GPHN: variants seen among roughly 807,000 people sequenced by gnomAD.
The protein encoded by GPHN is gephyrin.
GPHN carries 17 observed loss-of-function variants against 95.5 expected under a neutral mutation model. The ratio of observed to expected loss-of-function variants is 0.18; its 90% confidence interval spans 0.12 to 0.27. The LOEUF (loss-of-function observed/expected upper bound fraction) is 0.27. Among genes scored for constraint, GPHN ranks in the 10% least tolerant of loss-of-function variants. The pLI is 1.00. For synonymous variants in GPHN, 320 were observed against 322.5 expected, an observed-to-expected ratio of 0.99 and a Z score of 0.08; for missense variants, 660 against 978.1, an observed-to-expected ratio of 0.67 and a Z score of 4.34.
chr14:67,579,052 G>C, the GPHN span: 310 of 952,120 alleles, frequency 3.3e-4, 5 homozygotes, highest in South Asian at 4.4e-3. Flanking sequence ...TTTGGTCCTG[G>C]CTGAGTCTAG....
At chr14:67,396,992 G>A in the GPHN span, among the ~76,000 whole-genome samples, 1 of 150,156 alleles carries the variant, frequency 6.7e-6, no homozygotes, top group East Asian at 2.0e-4. Context: ...AGGCTGGAGT[G>A]CAGTGGCGTG....
the GPHN span, among the ~76,000 whole-genome samples, chr14:67,379,654 C>CTTTTTTTTTTTTTTTTTTTTTTTTT: frequency 5.8e-5 from 7 of 119,956 alleles, no homozygotes; most frequent in Admixed American, 1.8e-4. Flanking sequence ...TTTTCTTTTT[C>CTTTTTTTTTTTTTTTTTTTTTTTTT]TTTTTTTTTT....
intron 9 of GPHN, among the ~76,000 whole-genome samples, chr14:67,014,355 C>T (rs2073184941): frequency 6.6e-6 from 1 of 152,048 alleles, no homozygotes; most frequent in Admixed American, 6.6e-5. Flanking sequence ...CAGTGTTATA[C>T]AGCTAATAAT....
the GPHN span, among the ~76,000 whole-genome samples, chr14:67,395,157 A>G: frequency 2.0e-5 from 3 of 152,290 alleles, no homozygotes; most frequent in East Asian, 3.9e-4. Context: ...GTCTTGTGTC[A>G]TGGAGGTGTG....
the GPHN span, chr14:67,541,793 C>G: frequency 7.3e-7 from 1 of 1,360,954 alleles, no homozygotes; most frequent in Non-Finnish European, 9.9e-7. Context: ...CTTCCTCACA[C>G]GCTTATTTAT....
the GPHN span, chr14:67,579,908 C>T: frequency 6.4e-7 from 1 of 1,563,970 alleles, no homozygotes; most frequent in Non-Finnish European, 8.7e-7. Flanking sequence ...AGCTGAGCCC[C>T]TCCCTGCTCA....
chr14:67,239,516 G>T, the GPHN span, among the ~76,000 whole-genome samples: 16 of 152,178 alleles, frequency 1.1e-4, no homozygotes, highest in Non-Finnish European at 2.1e-4. Context: ...AGAATTCATT[G>T]ACGAGCTGGA....
At chr14:67,111,369 G>T (rs2078362527) in intron 14 of GPHN, among the ~76,000 whole-genome samples, 1 of 152,106 alleles carries the variant, frequency 6.6e-6, no homozygotes, top group African/African-American at 2.4e-5. Context: ...ATTGATTACT[G>T]CAATTAATGG....
chr14:67,655,109 G>A, the GPHN span, among the ~76,000 whole-genome samples: 1 of 151,084 alleles, frequency 6.6e-6, no homozygotes, highest in Non-Finnish European at 1.5e-5. Context: ...GGAGGCCAAG[G>A]TGGAATGATT....
the GPHN span, among the ~76,000 whole-genome samples, chr14:67,521,926 C>T: frequency 6.6e-6 from 1 of 152,132 alleles, no homozygotes; most frequent in African/African-American, 2.4e-5. Context: ...TTTGTAATCC[C>T]AGCATTTTGG....
At chr14:67,546,781 G>A in the GPHN span, among the ~76,000 whole-genome samples, 2 of 152,156 alleles carry the variant, frequency 1.3e-5, no homozygotes, top group Non-Finnish European at 2.9e-5. Flanking sequence ...TAGGAGGATC[G>A]CTTGAGCCAA....
intron 21 of GPHN, among the ~76,000 whole-genome samples, chr14:67,174,906 T>G (rs2082835238): frequency 6.6e-6 from 1 of 152,236 alleles, no homozygotes; most frequent in African/African-American, 2.4e-5. Flanking sequence ...TTCATATCCT[T>G]TGCCCACTTT....
intron 4 of GPHN, among the ~76,000 whole-genome samples, chr14:66,850,248 T>C (rs1411020903): frequency 6.6e-6 from 1 of 152,180 alleles, no homozygotes; most frequent in Non-Finnish European, 1.5e-5. Context: ...AAATACCAAA[T>C]ATAAACTCTT....
chr14:67,268,697 G>C, the GPHN span, among the ~76,000 whole-genome samples: 1 of 152,172 alleles, frequency 6.6e-6, no homozygotes, highest in Non-Finnish European at 1.5e-5. Flanking sequence ...AGTGAGCAGT[G>C]AGCACAACCA....
chr14:67,418,642 C>T, the GPHN span, among the ~76,000 whole-genome samples: 2 of 152,116 alleles, frequency 1.3e-5, no homozygotes, highest in Non-Finnish European at 2.9e-5. Flanking sequence ...AATGTGAGTG[C>T]GAAGTCAGCC....
chr14:66,973,617 G>A (rs1253679328), intron 9 of GPHN, among the ~76,000 whole-genome samples: 1 of 152,090 alleles, frequency 6.6e-6, no homozygotes, highest in East Asian at 1.9e-4. Context: ...AATTTAGCTG[G>A]GCGTGGTGGT....
At chr14:67,374,454 A>G in the GPHN span, 6 of 1,562,012 alleles carry the variant, frequency 3.8e-6, no homozygotes, top group Non-Finnish European at 5.2e-6. Flanking sequence ...TTTTTTCACA[A>G]TTTTTTTGTA....
At chr14:67,058,604 CA>C in intron 10 of GPHN, 44 bp from the exon 11 acceptor site, 3 of 1,551,386 alleles carry the variant, frequency 1.9e-6, no homozygotes, top group Non-Finnish European at 2.7e-6. Flanking sequence ...ACTTTTTAAT[CA>C]GTGTTACAGC....
intron 1 of GPHN, among the ~76,000 whole-genome samples, chr14:66,593,044 A>G (rs1595144272): frequency 6.6e-6 from 1 of 152,210 alleles, no homozygotes; most frequent in East Asian, 1.9e-4. Flanking sequence ...TAACTAACAC[A>G]GAAAGAGAAA....
Sources: gnomAD v4.1 joint callset for allele counts (sites outside exome capture counted in the v4.1 genomes callset) on GRCh38, gnomAD v4.1.1 for gene constraint, MANE v1.5 for transcripts, NCBI Gene and HGNC (gene_info 2026-07-23, HGNC 2026-07-21) for gene names.